The following CD200 variants were observed in gnomAD, a reference collection of about 807,000 sequenced individuals.
CD200 encodes OX-2 membrane glycoprotein.
Under a neutral mutation model 30.9 loss-of-function variants are expected in CD200, and 15 were observed. That is an observed-to-expected ratio of 0.49 (90% CI 0.32 to 0.75). The LOEUF (loss-of-function observed/expected upper bound fraction) is 0.75. CD200 is among the 30% of genes least tolerant of loss of function. The pLI is 0.03. For missense variants in CD200, 262 were observed against 324.2 expected (o/e 0.81, Z 1.47); for synonymous variants, 134 against 126.2 (o/e 1.06, Z -0.41).
At chr3:112,352,928 A>G (rs2081561526) in intron 5 of CD200, among the ~76,000 whole-genome samples, 1 of 152,218 alleles carries the variant, frequency 6.6e-6, no homozygotes, top group Non-Finnish European at 1.5e-5. Context: ...ATTTTTCTGC[A>G]CCACTCCTGA....
intron 5 of CD200, among the ~76,000 whole-genome samples, chr3:112,361,217 T>C (rs1466011265): frequency 6.6e-6 from 1 of 151,960 alleles, no homozygotes; most frequent in African/African-American, 2.4e-5. Flanking sequence ...TTTTTTTATT[T>C]TTATTTTTTG....
intron 5 of CD200, chr3:112,350,026 T>C (rs182514086): frequency 3.1e-6 from 3 of 954,876 alleles, no homozygotes; most frequent in Admixed American, 6.1e-5. Context: ...TTCTGCTTTT[T>C]GTTTGCTAAG....
chr3:112,345,505 T>C (rs988767042), intron 3 of CD200, among the ~76,000 whole-genome samples: 2 of 152,168 alleles, frequency 1.3e-5, no homozygotes, highest in African/African-American at 4.8e-5. Flanking sequence ...CTCTGAGGGA[T>C]CCTGCTGTCA....
chr3:112,339,011 C>T (rs549116535), intron 1 of CD200, among the ~76,000 whole-genome samples: 1 of 152,192 alleles, frequency 6.6e-6, no homozygotes, highest in African/African-American at 2.4e-5. Flanking sequence ...ATAGTGCTTC[C>T]TATATAGATT....
At chr3:112,335,710 A>G in intron 1 of CD200, 1 of 501,484 alleles carries the variant, frequency 2.0e-6, no homozygotes, top group Non-Finnish European at 3.6e-6. Context: ...TCCATCAGGA[A>G]TACTGTGATG....
At chr3:112,356,238 C>T (rs1002903489) in intron 5 of CD200, among the ~76,000 whole-genome samples, 4 of 152,136 alleles carry the variant, frequency 2.6e-5, no homozygotes, top group Non-Finnish European at 2.9e-5. Context: ...AAGAGAAATG[C>T]TAGCCTTGTG....
At chr3:112,336,024 T>A in intron 1 of CD200, 2 of 1,584,462 alleles carry the variant, frequency 1.3e-6, no homozygotes, top group Non-Finnish European at 1.7e-6. Context: ...CCAGGTAATT[T>A]TCTACCCCTA....
At chr3:112,349,619 TA>T in intron 4 of CD200, 92 bp from the exon 5 acceptor site, 2 of 932,722 alleles carry the variant, frequency 2.1e-6, no homozygotes, top group Non-Finnish European at 3.2e-6. Context: ...TGTATGTATT[TA>T]AGGATAATTT....
At chr3:112,346,110 T>C (rs2081384100) in intron 3 of CD200, among the ~76,000 whole-genome samples, 1 of 151,630 alleles carries the variant, frequency 6.6e-6, no homozygotes, top group Admixed American at 6.6e-5. Flanking sequence ...GCAAGGGAGA[T>C]AGGACAATGC....
At chr3:112,358,097 C>T (rs13089802) in intron 5 of CD200, among the ~76,000 whole-genome samples, 1 of 152,062 alleles carries the variant, frequency 6.6e-6, no homozygotes, top group African/African-American at 2.4e-5. Context: ...CACACGCACA[C>T]GCACACACAC....
At chr3:112,344,860 C>A in intron 2 of CD200, 102 bp from the exon 3 acceptor site, 1 of 919,450 alleles carries the variant, frequency 1.1e-6, no homozygotes, top group African/African-American at 1.7e-5. Context: ...TTTTCTCTTT[C>A]TTTTCTATAT....
chr3:112,336,361 C>A (rs187834388), intron 1 of CD200, among the ~76,000 whole-genome samples: 1 of 152,042 alleles, frequency 6.6e-6, no homozygotes, highest in East Asian at 1.9e-4. Flanking sequence ...CCCGCTGCTC[C>A]TGAGCCCACA....
chr3:112,343,186 T>C (rs2081306902), intron 2 of CD200, among the ~76,000 whole-genome samples: 1 of 151,830 alleles, frequency 6.6e-6, no homozygotes, highest in South Asian at 2.1e-4. Flanking sequence ...TTTATATTTA[T>C]ACACACACAG....
intron 5 of CD200, among the ~76,000 whole-genome samples, chr3:112,355,851 A>G (rs1047992464): frequency 1.3e-5 from 2 of 152,226 alleles, no homozygotes; most frequent in East Asian, 3.8e-4. Context: ...GTAGAAAAAA[A>G]TGTTAGAAAT....
intron 2 of CD200, among the ~76,000 whole-genome samples, chr3:112,344,643 C>T (rs970602855): frequency 6.6e-6 from 1 of 152,192 alleles, no homozygotes; most frequent in Non-Finnish European, 1.5e-5. Context: ...ATTGGTGAAG[C>T]TGCTATCCTA....
intron 1 of CD200, chr3:112,333,593 C>A: frequency 1.0e-6 from 1 of 985,412 alleles, no homozygotes; most frequent in Non-Finnish European, 1.2e-6. Flanking sequence ...ACTGGGGAGG[C>A]ACAGCCTATT....
At chr3:112,353,413 G>C (rs891987312) in intron 5 of CD200, among the ~76,000 whole-genome samples, 36 of 152,048 alleles carry the variant, frequency 2.4e-4, no homozygotes, top group African/African-American at 6.3e-4. Flanking sequence ...TTTTTTTCAA[G>C]TACTAGCTAA....
At chr3:112,333,625 AAG>A (rs1406887132) in intron 1 of CD200, 3 of 985,312 alleles carry the variant, frequency 3.0e-6, no homozygotes, top group Admixed American at 1.2e-4. Context: ...CCAAAAGGGA[AAG>A]AGAAATGCTG....
intron 5 of CD200, among the ~76,000 whole-genome samples, chr3:112,358,015 C>T (rs1026243023): frequency 2.0e-5 from 3 of 152,302 alleles, no homozygotes; most frequent in African/African-American, 7.2e-5. Context: ...CTATGCAGCT[C>T]AGGATGCAAG....
Sources: gnomAD v4.1 joint callset for allele counts (sites outside exome capture counted in the v4.1 genomes callset) on GRCh38, gnomAD v4.1.1 for gene constraint, MANE v1.5 for transcripts, NCBI Gene and HGNC (gene_info 2026-07-23, HGNC 2026-07-21) for gene names.